TRIM71: variants seen among roughly 807,000 people sequenced by gnomAD.
TRIM71 encodes the protein E3 ubiquitin-protein ligase TRIM71.
In TRIM71, 9 loss-of-function variants were observed where a neutral mutation model predicts 61.2. The observed-to-expected ratio is 0.15, with a 90% CI of 0.09 to 0.26. The LOEUF (loss-of-function observed/expected upper bound fraction) is 0.26, where lower values mean the gene tolerates loss of function less well. TRIM71 is among the 10% of genes least tolerant of loss of function. TRIM71 has a pLI of 1.00. For synonymous variants in TRIM71, 645 were observed against 553.2 expected, an observed-to-expected ratio of 1.17 and a Z score of -2.33; for missense variants, 998 against 1,238.7, an observed-to-expected ratio of 0.81 and a Z score of 2.92.
rs1697053737 is a variant in TRIM71, at chr3:32,893,981, ATGT to A, written c.*2175_*2177del. 1 of 152,174 alleles carries A rather than the reference ATGT, an allele frequency of 6.6e-6. No homozygotes were observed. The highest frequency in any genetic ancestry group is 2.1e-4 in the South Asian group (1 of 4,830). 9.4% of individuals were successfully genotyped at this position (152,174 alleles called of 1,614,324 possible). A position where few individuals can be genotyped will look rare whatever the true frequency, so the allele number is the denominator to read the frequency against. On this transcript the variant is annotated 3_prime_UTR_variant, in exon 4 of 4. Coordinates refer to ENST00000383763, the MANE Select transcript of TRIM71 (RefSeq NM_001039111.3). The stretch of plus-strand genomic sequence containing the variant: ...TTACAGGGTGGGAAGGTGTTAGGAA[ATGT>A]TGTTTGTTAGAAGCTCCTTTTACTG...
chr3:32,825,253 T>C (rs1027376924), intron 1 of TRIM71, among the ~76,000 whole-genome samples: 2 of 152,198 alleles, frequency 1.3e-5, no homozygotes, highest in African/African-American at 4.8e-5. Flanking sequence ...TAATCGTGCA[T>C]ATATAGTAAG....
At chr3:32,839,895 G>A (rs1696384977) in intron 1 of TRIM71, among the ~76,000 whole-genome samples, 1 of 152,134 alleles carries the variant, frequency 6.6e-6, no homozygotes, top group Admixed American at 6.5e-5. Flanking sequence ...TTGAGGAGCT[G>A]GGTGTTTGAA....
intron 1 of TRIM71, among the ~76,000 whole-genome samples, chr3:32,823,052 C>CT (rs1222914697): frequency 1.3e-5 from 2 of 152,226 alleles, no homozygotes; most frequent in African/African-American, 4.8e-5. Flanking sequence ...AATATGTCCT[C>CT]TGAGTGCAGA....
At chr3:32,868,751 C>T (rs1696766690) in intron 1 of TRIM71, among the ~76,000 whole-genome samples, 1 of 150,224 alleles carries the variant, frequency 6.7e-6, no homozygotes, top group African/African-American at 2.5e-5. Flanking sequence ...ATACTTGTTA[C>T]CTAGCCAAAT....
intron 1 of TRIM71, among the ~76,000 whole-genome samples, chr3:32,821,036 G>C (rs1489584751): frequency 6.6e-6 from 1 of 152,330 alleles, no homozygotes; most frequent in African/African-American, 2.4e-5. Flanking sequence ...CTGAGTAGAA[G>C]ACTAAAGTGT....
In TRIM71 at chr3:32,891,016, C is replaced by G; in HGVS notation, c.1812C>G (p.Gly604=). The G allele has an allele frequency of 6.2e-7, 1 of 1,614,016 alleles. No individual in the cohort carries two copies. The highest frequency in any genetic ancestry group is 8.5e-7 in the Non-Finnish European group (1 of 1,180,034). ...TCGGCAGTGAGGGTGACAGCGATGG[C>G]AAGCTCTGCCGCCCTTGGGGTGTGA... The part of the protein sequence containing the change: ...LSFGSEGDSD[G]KLCRPWGVSV... The change falls in exon 4 of 4, where the codon GGC becomes GGG. Residue 604 remains glycine, a synonymous_variant. Coordinates refer to ENST00000383763, the MANE Select transcript of TRIM71 (RefSeq NM_001039111.3). The surrounding 1 kb of genome is among the most constrained non-coding windows in gnomAD (Gnocchi z 8.2).
rs923728163 is a variant in TRIM71 at position 32,890,268 on chromosome 3, T to A, written c.1156-92T>A. ...CATCCCACAATATGTGTTTGTCTGATGCTTCCTTGTGATTAGTTGTGGCTT... is the reference window on the plus strand; with the variant it reads ...CATCCCACAATATGTGTTTGTCTGAAGCTTCCTTGTGATTAGTTGTGGCTT... On this transcript the variant is annotated intron_variant, in intron 3 of 3. Coordinates refer to ENST00000383763, the MANE Select transcript of TRIM71 (RefSeq NM_001039111.3). This position sits in a 1 kb window ranked among gnomAD's most constrained non-coding sequence, Gnocchi z 6.2. 1.1e-5 allele frequency: 16 copies of A among 1,476,666 alleles called. No homozygotes were observed. The Admixed American group carries it at 2.5e-4, about 23-fold the overall frequency. The allele number at this position is 1,476,666 out of a possible 1,614,324, so 91.5% of individuals were successfully genotyped here. A position where few individuals can be genotyped will look rare whatever the true frequency, so the allele number is the denominator to read the frequency against.
At chr3:32,824,911 C>T (rs1696183742) in intron 1 of TRIM71, among the ~76,000 whole-genome samples, 1 of 152,050 alleles carries the variant, frequency 6.6e-6, no homozygotes, top group African/African-American at 2.4e-5. Flanking sequence ...TCTTCAGCCT[C>T]AGCCTCCCAA....
At chr3:32,878,951 A>T (rs1696878397) in intron 2 of TRIM71, among the ~76,000 whole-genome samples, 1 of 152,354 alleles carries the variant, frequency 6.6e-6, no homozygotes, top group South Asian at 2.1e-4. Flanking sequence ...CTTCTAATAA[A>T]AGGATGTCTT....
intron 1 of TRIM71, among the ~76,000 whole-genome samples, chr3:32,846,122 C>T (rs1443027264): frequency 7.4e-6 from 1 of 134,450 alleles, no homozygotes; most frequent in Non-Finnish European, 1.5e-5. Context: ...GTCGCCCAGG[C>T]TGGAGTGCAG....
At chr3:32,885,300 G>A (rs765337051) in intron 2 of TRIM71, among the ~76,000 whole-genome samples, 16 of 152,190 alleles carry the variant, frequency 1.1e-4, no homozygotes, top group Non-Finnish European at 1.9e-4. Flanking sequence ...TAATACGTCT[G>A]ATTAAACTGG....
In TRIM71 at chr3:32,878,991, A is replaced by G. The variant is rs967079084; in HGVS notation, c.1020+5006A>G. ...GTCTGTTGTTTAGCTGTCTTCATCAATTACCTTAGCTTGTTCTTCTGGGTA... is the reference window on the plus strand; with the variant it reads ...GTCTGTTGTTTAGCTGTCTTCATCAGTTACCTTAGCTTGTTCTTCTGGGTA... On this transcript the variant is annotated intron_variant, in intron 2 of 3. Coordinates refer to ENST00000383763, the MANE Select transcript of TRIM71 (RefSeq NM_001039111.3). Among the ~76,000 whole-genome samples, 5 of 152,230 alleles carry G rather than the reference A, an allele frequency of 3.3e-5. 1 individual carries two copies. Among genetic ancestry groups the G allele is most frequent in the African/African-American group, 4.8e-5 (2 of 41,462 alleles).
chr3:32,819,954 TCA>T (rs926006837), intron 1 of TRIM71, among the ~76,000 whole-genome samples: 32 of 152,400 alleles, frequency 2.1e-4, no homozygotes, highest in African/African-American at 7.7e-4. Context: ...CATTTGCTTT[TCA>T]CACAGTGTGA....
chr3:32,868,119 C>G (rs1696758928), intron 1 of TRIM71, among the ~76,000 whole-genome samples: 1 of 152,090 alleles, frequency 6.6e-6, no homozygotes, highest in Non-Finnish European at 1.5e-5. Context: ...CCCATCAAAG[C>G]CTTCCACCCA....
At chr3:32,873,058 TCTCTTCCTCC>T (rs945725226) in intron 1 of TRIM71, among the ~76,000 whole-genome samples, 7 of 118,076 alleles carry the variant, frequency 5.9e-5, no homozygotes, top group African/African-American at 1.7e-4. Flanking sequence ...AGCCCTTCTC[TCTCTTCCTCC>T]CTCCCTCCCT....
intron 3 of TRIM71, among the ~76,000 whole-genome samples, chr3:32,888,765 CCTG>C (rs1696990274): frequency 6.6e-6 from 1 of 152,174 alleles, no homozygotes; most frequent in African/African-American, 2.4e-5. Context: ...GTTTTGAACT[CCTG>C]ACCTCAGGTG....
At chr3:32,825,770 ACCG>A in intron 1 of TRIM71, among the ~76,000 whole-genome samples, 1 of 152,186 alleles carries the variant, frequency 6.6e-6, no homozygotes, top group East Asian at 1.9e-4. Context: ...CTACTCCGTT[ACCG>A]CTTTTCTTCT....
At chr3:32,867,839 T>C (rs1215852027) in intron 1 of TRIM71, among the ~76,000 whole-genome samples, 1 of 152,194 alleles carries the variant, frequency 6.6e-6, no homozygotes, top group Non-Finnish European at 1.5e-5. Flanking sequence ...ACTTTTGTTT[T>C]CCAGAGCATC....
chr3:32,850,276 T>G (rs1456341764), intron 1 of TRIM71, among the ~76,000 whole-genome samples: 1 of 149,552 alleles, frequency 6.7e-6, no homozygotes, highest in East Asian at 1.9e-4. Context: ...TTTTTTTTTG[T>G]GTGCAATTCT....
Sources: gnomAD v4.1 joint callset for allele counts (sites outside exome capture counted in the v4.1 genomes callset) on GRCh38, gnomAD v4.1.1 for gene constraint, Gnocchi (gnomAD v3.1) non-coding constraint, MANE v1.5 for transcripts, NCBI Gene and HGNC (gene_info 2026-07-23, HGNC 2026-07-21) for gene names.